DGKD: variants seen among roughly 807,000 people sequenced by gnomAD.
DGKD encodes diacylglycerol kinase delta.
In DGKD, 68 loss-of-function variants were observed where a neutral mutation model predicts 154.4. The ratio of observed to expected loss-of-function variants is 0.44; its 90% confidence interval spans 0.36 to 0.54. The LOEUF (loss-of-function observed/expected upper bound fraction) is 0.54, where lower values mean the gene tolerates loss of function less well. Ranked by LOEUF, DGKD falls within the 20% of genes least tolerant of loss-of-function variation. DGKD has a pLI of 0.00. For missense variants in DGKD, 1,343 were observed against 1,593.6 expected (o/e 0.84, Z 2.68); for synonymous variants, 693 against 638.0 (o/e 1.09, Z -1.30).
intron 1 of DGKD, among the ~76,000 whole-genome samples, chr2:233,372,264 G>T (rs189307227): frequency 2.0e-5 from 3 of 152,072 alleles, no homozygotes; most frequent in African/African-American, 4.8e-5. Flanking sequence ...CAAGCAATCC[G>T]CCCGCCTCAG....
intron 1 of DGKD, among the ~76,000 whole-genome samples, chr2:233,368,454 G>T (rs1359390126): frequency 6.6e-6 from 1 of 152,180 alleles, no homozygotes; most frequent in Non-Finnish European, 1.5e-5. Flanking sequence ...GGAGGTTGCA[G>T]TGAGCCAAGA....
At chr2:233,373,157 C>T (rs969393859) in intron 1 of DGKD, among the ~76,000 whole-genome samples, 1 of 152,348 alleles carries the variant, frequency 6.6e-6, no homozygotes, top group Non-Finnish European at 1.5e-5. Flanking sequence ...CTCTCAATGC[C>T]TGAAGCTGCC....
At chr2:233,375,029 C>A (rs539849095) in intron 1 of DGKD, among the ~76,000 whole-genome samples, 2 of 152,194 alleles carry the variant, frequency 1.3e-5, no homozygotes, top group East Asian at 1.9e-4. Context: ...GTGGCTCATG[C>A]CTGTAATCCC....
intron 3 of DGKD, among the ~76,000 whole-genome samples, chr2:233,427,279 C>T (rs1291829907): frequency 6.6e-6 from 1 of 151,420 alleles, no homozygotes; most frequent in Non-Finnish European, 1.5e-5. Context: ...TGCAGCCTGG[C>T]CTTTTGAATC....
In DGKD at chr2:233,445,044, G is replaced by T. The variant is rs1190938326; in HGVS notation, c.1195-579G>T. On this transcript the variant is annotated intron_variant, in intron 10 of 29. Coordinates refer to ENST00000264057, the MANE Select transcript of DGKD (RefSeq NM_152879.3). This position sits in a 1 kb window ranked among gnomAD's most constrained non-coding sequence, Gnocchi z 5.5. ...GGGTGAGGCCTGAGTAATGCATGAG[G>T]TCTCTTCCTGGAACAGCAGGCAGGC... Among the ~76,000 whole-genome samples the T allele has an allele frequency of 6.6e-6, 1 of 152,124 alleles. No individual in the cohort carries two copies. Among genetic ancestry groups the T allele is most frequent in the Non-Finnish European group, 1.5e-5 (1 of 68,028 alleles).
intron 1 of DGKD, among the ~76,000 whole-genome samples, chr2:233,355,655 A>G (rs930469251): frequency 6.6e-6 from 1 of 152,226 alleles, no homozygotes; most frequent in Non-Finnish European, 1.5e-5. Flanking sequence ...ACATGTTACA[A>G]ACAGGTTTGT....
intron 24 of DGKD, among the ~76,000 whole-genome samples, chr2:233,461,182 C>T (rs987292335): frequency 6.6e-6 from 1 of 152,262 alleles, no homozygotes; most frequent in African/African-American, 2.4e-5. Context: ...CCCTCCCAGC[C>T]GGCAGCTGTG....
chr2:233,417,670 CCAAA>C (rs1363014732), intron 3 of DGKD, among the ~76,000 whole-genome samples: 1 of 151,994 alleles, frequency 6.6e-6, no homozygotes, highest in Non-Finnish European at 1.5e-5. Flanking sequence ...TGCAGATAAC[CCAAA>C]CAAACAAAAA....
chr2:233,452,251 C>T lies in DGKD; in HGVS notation c.2264+191C>T, dbSNP rs936045975. Among the ~76,000 whole-genome samples the T allele has an allele frequency of 2.0e-5, 3 of 152,228 alleles. No homozygotes were observed. The highest frequency in any genetic ancestry group is 7.2e-5 in the African/African-American group (3 of 41,462). On this transcript the variant is annotated intron_variant, in intron 18 of 29. Transcript: ENST00000264057. The surrounding 1 kb of genome is among the most constrained non-coding windows in gnomAD (Gnocchi z 4.0). ...GGAAACCACTACTGCACATCTGCTGCAGAGGCAAAGCGCACGCCTCCCATC... is the reference window on the plus strand; with the variant it reads ...GGAAACCACTACTGCACATCTGCTGTAGAGGCAAAGCGCACGCCTCCCATC...
At chr2:233,394,374 C>G (rs1184543492) in intron 3 of DGKD, among the ~76,000 whole-genome samples, 1 of 152,086 alleles carries the variant, frequency 6.6e-6, no homozygotes, top group African/African-American at 2.4e-5. Flanking sequence ...TCCCAGTTAG[C>G]TGGGACTACA....
At chr2:233,413,211 AAC>A (rs1450833173) in intron 3 of DGKD, among the ~76,000 whole-genome samples, 1 of 152,240 alleles carries the variant, frequency 6.6e-6, no homozygotes, top group Admixed American at 6.5e-5. Context: ...TGGCCTGGCC[AAC>A]ATGGTGAAAC....
intron 3 of DGKD, among the ~76,000 whole-genome samples, chr2:233,400,767 C>T (rs936536645): frequency 5.3e-5 from 8 of 152,130 alleles, no homozygotes; most frequent in African/African-American, 1.2e-4. Context: ...CTGCTGTTCC[C>T]GGAGAGCTAG....
chr2:233,458,333 T>C lies in DGKD; in HGVS notation c.2630T>C (p.Val877Ala). ...GACAAGATTCTGGAGGTGGTCGCCGTGTTCGGCAGCATGCAGATGGCCGTC... is the reference window on the plus strand; with the variant it reads ...GACAAGATTCTGGAGGTGGTCGCCGCGTTCGGCAGCATGCAGATGGCCGTC... ...FDDKILEVVA[V>A]FGSMQMAVSR... The change falls in exon 22 of 30, where the codon GTG (valine) becomes GCG (alanine). Residue 877 changes from valine (V) to alanine (A), a missense_variant. By Grantham distance (64) the Val-to-Ala change is moderately conservative. Transcript: ENST00000264057. The surrounding 1 kb of genome is among the most constrained non-coding windows in gnomAD (Gnocchi z 6.6). The C allele has an allele frequency of 6.2e-7, 1 of 1,612,574 alleles. No homozygotes were observed. Among genetic ancestry groups the C allele is most frequent in the Non-Finnish European group, 8.5e-7 (1 of 1,179,894 alleles).
At chr2:233,416,840 T>C (rs2061971805) in intron 3 of DGKD, among the ~76,000 whole-genome samples, 1 of 152,178 alleles carries the variant, frequency 6.6e-6, no homozygotes, top group Admixed American at 6.5e-5. Flanking sequence ...GGTTTGTTTC[T>C]CTAGCGAGAA....
In DGKD at chr2:233,457,102, C is replaced by A; in HGVS notation, c.2472+107C>A. On this transcript the variant is annotated intron_variant, in intron 20 of 29. Coordinates refer to ENST00000264057, the MANE Select transcript of DGKD (RefSeq NM_152879.3). The surrounding 1 kb of genome is among the most constrained non-coding windows in gnomAD (Gnocchi z 5.5). ...CATTTCCTCCATGCACAGGGACTTG[C>A]CTGGGGATGCCCTGGCCACGGCTGT... 7.6e-7 allele frequency: 1 copy of A among 1,317,112 alleles called. No homozygotes were observed. The highest frequency in any genetic ancestry group is 1.1e-6 in the Non-Finnish European group (1 of 918,932). The allele number at this position is 1,317,112 out of a possible 1,614,324, so 81.6% of individuals were successfully genotyped here.
At chr2:233,369,760 TCA>T (rs1271648175) in intron 1 of DGKD, among the ~76,000 whole-genome samples, 3 of 152,178 alleles carry the variant, frequency 2.0e-5, no homozygotes, top group Non-Finnish European at 4.4e-5. Context: ...GGCTCTCCCC[TCA>T]CCTTGAATTC....
intron 3 of DGKD, among the ~76,000 whole-genome samples, chr2:233,397,010 G>A (rs1269447817): frequency 2.4e-5 from 1 of 41,160 alleles, no homozygotes; most frequent in Non-Finnish European, 4.6e-5. Context: ...AGGGGACCAG[G>A]GTGGCTGGGG....
In DGKD at chr2:233,448,186, G is replaced by A; in HGVS notation, c.1514+5G>A. The A allele has an allele frequency of 6.2e-7, 1 of 1,614,216 alleles. No individual in the cohort carries two copies. Among genetic ancestry groups the A allele is most frequent in the Non-Finnish European group, 8.5e-7 (1 of 1,180,032 alleles). ...GGTGGTCATCTCCTCGGCCAAGTGA[G>A]TGCCTGGTGGCCCTGGGGAGGGCAT... is the stretch of plus-strand genomic sequence containing the variant. On this transcript the variant is annotated splice_donor_5th_base_variant and intron_variant, in intron 13 of 29. Coordinates refer to ENST00000264057, the MANE Select transcript of DGKD (RefSeq NM_152879.3).
intron 1 of DGKD, 165 bp from the exon 2 acceptor site, chr2:233,388,092 G>C (rs1019981657): frequency 6.1e-5 from 88 of 1,440,606 alleles, no homozygotes; most frequent in Non-Finnish European, 7.6e-5. Context: ...CATGCCCCCG[G>C]CAGCGTGCTG....
Sources: allele counts gnomAD v4.1 joint callset (sites outside exome capture counted in the v4.1 genomes callset), GRCh38; gene constraint gnomAD v4.1.1; non-coding constraint Gnocchi (gnomAD v3.1); transcripts MANE v1.5; gene names NCBI Gene and HGNC (gene_info 2026-07-23, HGNC 2026-07-21).